The following PGM1 variants were observed in gnomAD, a reference collection of about 807,000 sequenced individuals.
PGM1 encodes phosphoglucomutase 1.
In PGM1, 52 loss-of-function variants were observed where a neutral mutation model predicts 55.6. The ratio of observed to expected loss-of-function variants is 0.94; its 90% CI spans 0.75 to 1.18. PGM1 has a LOEUF of 1.18. Ranked by LOEUF, PGM1 falls within the 50% of genes most tolerant of loss-of-function variation. The pLI, the probability that PGM1 is intolerant of heterozygous loss-of-function variation, is 0.00. For synonymous variants in PGM1, 287 were observed against 271.7 expected (o/e 1.06, Z -0.55); for missense variants, 724 against 729.3 (o/e 0.99, Z 0.08).
intron 7 of PGM1, among the ~76,000 whole-genome samples, chr1:63,644,109 T>C (rs1300980169): frequency 1.3e-5 from 2 of 152,210 alleles, no homozygotes; most frequent in Non-Finnish European, 2.9e-5. Flanking sequence ...AACTGTTAGC[T>C]CTTGGCTCCC....
intron 7 of PGM1, among the ~76,000 whole-genome samples, chr1:63,640,556 A>G (rs1431014719): frequency 6.6e-6 from 1 of 152,186 alleles, no homozygotes; most frequent in Non-Finnish European, 1.5e-5. Flanking sequence ...TATTATTATT[A>G]TCATTTCGTA....
Position 63,636,382 on chromosome 1 carries a change from T to C in PGM1, c.1022T>C (p.Leu341Pro). 1 of 1,614,076 alleles carries C rather than the reference T, an allele frequency of 6.2e-7. No homozygotes were observed. The highest frequency in any genetic ancestry group is 8.5e-7 in the Non-Finnish European group (1 of 1,179,994). Residue 341 changes from leucine to proline, a missense_variant, in exon 6 of 11, where the codon CTG becomes CCG. Transcript: ENST00000371084. ...CGGAGCATGCCCACGAGTGGTGCTC[T>C]GGACCGGTAGGTGTCTCCATTCCCT... ...FARSMPTSGA[L>P]DRVASATKIA...
rs1298824876 is a variant in PGM1, at chr1:63,636,333, C to T, written c.973C>T (p.Gln325Ter). The T allele has an allele frequency of 6.2e-7, 1 of 1,614,160 alleles. No homozygotes were observed. The highest frequency in any genetic ancestry group is 8.5e-7 in the Non-Finnish European group (1 of 1,179,996). Residue 325 changes from glutamine (Q) to a stop codon, truncating the protein, a stop_gained, in exon 6 of 11, where the codon CAG becomes TAG. Coordinates refer to ENST00000371084, the MANE Select transcript of PGM1 (RefSeq NM_002633.3). LOFTEE classifies it high-confidence loss of function. ...ANIFSIPYFQ[Q>*]TGVRGFARSM... Reference sequence around the variant, plus strand: ...CATCTTCAGCATTCCGTATTTCCAGCAGACTGGGGTCCGCGGCTTTGCACG... The same window carrying T: ...CATCTTCAGCATTCCGTATTTCCAGTAGACTGGGGTCCGCGGCTTTGCACG...
rs1649818685 is a variant in PGM1, at chr1:63,651,846, A to C, written c.1458A>C (p.Arg486Ser). 6.2e-7 allele frequency: 1 copy of C among 1,613,818 alleles called. No individual in the cohort carries two copies. The highest frequency in any genetic ancestry group is 8.5e-7 in the Non-Finnish European group (1 of 1,179,718). Residue 486 changes from arginine (R) to serine (S), a missense_variant, in exon 9 of 11, where the codon AGA (arginine) becomes AGC (serine). Arg to Ser is a moderately radical substitution (Grantham distance 110, BLOSUM62 -1). Around this residue, in one of 3 missense-constraint regions of PGM1, gnomAD observed 316 missense variants for 313.1 expected, o/e 1.01. Transcript: ENST00000371084. ...ACCCAGTGGATGGAAGCATTTCAAG[A>C]AATCAGGTAGAAACAGACCGGTGTG... ...YSDPVDGSIS[R>S]NQGLRLIFTD... is the part of the protein sequence containing the mutation.
chr1:63,625,578 A>C (rs964828044), intron 1 of PGM1, among the ~76,000 whole-genome samples: 1 of 152,188 alleles, frequency 6.6e-6, no homozygotes, highest in Admixed American at 6.5e-5. Context: ...GCAGGGAGGA[A>C]ATCTAAAGGA....
intron 9 of PGM1, among the ~76,000 whole-genome samples, chr1:63,653,774 G>T (rs549132531): frequency 2.4e-4 from 36 of 152,206 alleles, no homozygotes; most frequent in Non-Finnish European, 4.4e-4. Context: ...TCAGGGATTG[G>T]CAGGAGATTG....
rs537774439 is a variant in PGM1 at position 63,603,165 on chromosome 1, C to T, written c.246+9431C>T. Among the ~76,000 whole-genome samples, 10 of 152,354 alleles carry T rather than the reference C, an allele frequency of 6.6e-5. No homozygotes were observed. In the South Asian group the frequency reaches 1.9e-3, roughly 28 times the overall value. ...AATGTACCTCATGTTTTCTATTTTA[C>T]AAGTTACTGCCACATGCATGGCCTT... On this transcript the variant is annotated intron_variant, in intron 1 of 10. Coordinates refer to ENST00000371084, the MANE Select transcript of PGM1 (RefSeq NM_002633.3).
At chr1:63,633,603 A>G (rs1464826450) in intron 4 of PGM1, among the ~76,000 whole-genome samples, 5 of 152,084 alleles carry the variant, frequency 3.3e-5, no homozygotes, top group Non-Finnish European at 7.4e-5. Context: ...TGGTAGTTAT[A>G]TAAAATGTCA....
chr1:63,620,529 C>A (rs1331233919), intron 1 of PGM1, among the ~76,000 whole-genome samples: 1 of 152,156 alleles, frequency 6.6e-6, no homozygotes, highest in Non-Finnish European at 1.5e-5. Context: ...AGAGGTGAAC[C>A]CATTCAGGCC....
intron 1 of PGM1, among the ~76,000 whole-genome samples, chr1:63,596,062 A>G (rs2100951227): frequency 6.6e-6 from 1 of 151,934 alleles, no homozygotes; most frequent in South Asian, 2.1e-4. Flanking sequence ...CATGGAATAC[A>G]CTCTGGTCTA....
chr1:63,607,727 C>T (rs542357150), intron 1 of PGM1, among the ~76,000 whole-genome samples: 16 of 152,266 alleles, frequency 1.1e-4, no homozygotes, highest in Non-Finnish European at 1.6e-4. Flanking sequence ...CCTGCCAAAT[C>T]GCCACTCTGG....
Position 63,629,600 on chromosome 1 carries a change from T to A in PGM1, c.409+13T>A. 11 of 1,612,550 alleles carry A rather than the reference T, an allele frequency of 6.8e-6. No homozygotes were observed. Among genetic ancestry groups the A allele is most frequent in the Non-Finnish European group, 8.5e-6 (10 of 1,178,796 alleles). Reference sequence around the variant, plus strand: ...ATTTCTAATGGAGGTGAGTTTGCTGTCATTTTGAGGACAGGTAAGTTTACA... The same window carrying A: ...ATTTCTAATGGAGGTGAGTTTGCTGACATTTTGAGGACAGGTAAGTTTACA... On this transcript the variant is annotated intron_variant, in intron 2 of 10. Transcript: ENST00000371084.
intron 1 of PGM1, among the ~76,000 whole-genome samples, chr1:63,607,910 A>G (rs1282770162): frequency 1.3e-5 from 2 of 152,190 alleles, no homozygotes; most frequent in African/African-American, 2.4e-5. Flanking sequence ...TTGATCACCC[A>G]CTTTATTCAT....
At chr1:63,658,870 C>A (rs1650037554) in intron 10 of PGM1, among the ~76,000 whole-genome samples, 1 of 152,118 alleles carries the variant, frequency 6.6e-6, no homozygotes, top group Non-Finnish European at 1.5e-5. Context: ...CTTCACGTGG[C>A]TGGGGAAGCC....
Position 63,629,933 on chromosome 1 carries a change from G to C in PGM1, c.410-9G>C. 1 of 1,613,898 alleles carries C rather than the reference G, an allele frequency of 6.2e-7. No individual in the cohort carries two copies. The highest frequency in any genetic ancestry group is 8.5e-7 in the Non-Finnish European group (1 of 1,179,868). Reference sequence around the variant, plus strand: ...CGAAGTAACCCACTGTTTGCTGTTTGGTTTCCAGGTCCTGCTCCAGAAGCA... The same window carrying C: ...CGAAGTAACCCACTGTTTGCTGTTTCGTTTCCAGGTCCTGCTCCAGAAGCA... On this transcript the variant is annotated splice_polypyrimidine_tract_variant and intron_variant, in intron 2 of 10. Coordinates refer to ENST00000371084, the MANE Select transcript of PGM1 (RefSeq NM_002633.3).
At chr1:63,594,082 C>T (rs1425391422) in intron 1 of PGM1, 2 of 1,049,996 alleles carry the variant, frequency 1.9e-6, no homozygotes, top group Non-Finnish European at 2.3e-6. Context: ...GACATTTGCC[C>T]TAACCTTGCA....
At chr1:63,604,013 A>G (rs751376423) in intron 1 of PGM1, among the ~76,000 whole-genome samples, 1 of 152,186 alleles carries the variant, frequency 6.6e-6, no homozygotes, top group Non-Finnish European at 1.5e-5. Flanking sequence ...AATCATCTCA[A>G]TCATGATTCA....
chr1:63,610,641 A>G (rs781132658), intron 1 of PGM1, among the ~76,000 whole-genome samples: 2 of 152,140 alleles, frequency 1.3e-5, no homozygotes, highest in Non-Finnish European at 2.9e-5. Flanking sequence ...TTTCCCGGCC[A>G]TTACCCCCTC....
chr1:63,630,350 A>G (rs1157019872), intron 3 of PGM1, among the ~76,000 whole-genome samples: 31 of 152,158 alleles, frequency 2.0e-4, no homozygotes, highest in Admixed American at 7.9e-4. Flanking sequence ...TCATGCCTTG[A>G]CTAGAAGACC....
Sources: gnomAD v4.1 joint callset for allele counts (sites outside exome capture counted in the v4.1 genomes callset) on GRCh38, gnomAD v4.1.1 for gene constraint, gnomAD v4.1.1 regional missense constraint, MANE v1.5 for transcripts, NCBI Gene and HGNC (gene_info 2026-07-23, HGNC 2026-07-21) for gene names.